KDM4C: variants seen among roughly 807,000 people sequenced by gnomAD.
The protein encoded by KDM4C is lysine demethylase 4C.
In KDM4C, 81 loss-of-function variants were observed where a neutral mutation model predicts 129.3. The observed-to-expected ratio is 0.63, with a 90% confidence interval of 0.52 to 0.75. KDM4C has a LOEUF of 0.75. KDM4C is among the 30% of genes least tolerant of loss of function. The pLI is 0.00. For missense variants in KDM4C, 1,457 were observed against 1,304.0 expected, an observed-to-expected ratio of 1.12 and a Z score of -1.81; for synonymous variants, 573 against 456.1, an observed-to-expected ratio of 1.26 and a Z score of -3.26.
chr9:6,828,167 A>C (rs962734659), intron 4 of KDM4C, among the ~76,000 whole-genome samples: 14 of 150,936 alleles, frequency 9.3e-5, no homozygotes, highest in Non-Finnish European at 1.3e-4. Flanking sequence ...TTTTTTTTTG[A>C]GACGGAGCCT....
At chr9:7,103,993 C>T (rs954529832) in intron 18 of KDM4C, 123 bp downstream of exon 18, 13 of 878,494 alleles carry the variant, frequency 1.5e-5, no homozygotes, top group East Asian at 1.1e-4. Flanking sequence ...ATGTCTAGAC[C>T]GTGAGTTCCT....
intron 15 of KDM4C, among the ~76,000 whole-genome samples, chr9:7,027,353 T>C (rs964017523): frequency 1.3e-5 from 2 of 152,242 alleles, no homozygotes; most frequent in Non-Finnish European, 2.9e-5. Context: ...ACTGTCTTCA[T>C]GTTCTTGGAT....
At chr9:7,034,569 A>G (rs747799513) in intron 15 of KDM4C, among the ~76,000 whole-genome samples, 16 of 152,076 alleles carry the variant, frequency 1.1e-4, no homozygotes, top group Non-Finnish European at 1.6e-4. Flanking sequence ...TTCTTTATTC[A>G]TCTTTCATTG....
intron 3 of KDM4C, among the ~76,000 whole-genome samples, chr9:6,812,578 G>A (rs1831357337): frequency 6.6e-6 from 1 of 152,122 alleles, no homozygotes; most frequent in Admixed American, 6.5e-5. Context: ...TTCACAACAG[G>A]GTTCATACTC....
chr9:6,984,002 G>A (rs1256217462), intron 9 of KDM4C, among the ~76,000 whole-genome samples, 164 bp from the exon 10 acceptor site: 1 of 152,108 alleles, frequency 6.6e-6, no homozygotes, highest in Admixed American at 6.5e-5. Context: ...TTAAGATTTT[G>A]ATTTCAAATT....
chr9:6,799,283 C>A (rs1828437154), intron 2 of KDM4C, among the ~76,000 whole-genome samples: 1 of 152,214 alleles, frequency 6.6e-6, no homozygotes, highest in South Asian at 2.1e-4. Flanking sequence ...CCATTGAGCA[C>A]TGAGTTAAGG....
At chr9:7,083,710 G>GGTGT (rs1257662179) in intron 17 of KDM4C, among the ~76,000 whole-genome samples, 11 of 65,528 alleles carry the variant, frequency 1.7e-4, no homozygotes, top group East Asian at 1.4e-3. Flanking sequence ...GCACATGACT[G>GGTGT]ATGTGTGTGT....
Position 6,893,107 on chromosome 9 carries a change from G to T in KDM4C, c.796G>T (p.Ala266Ser), listed in dbSNP as rs1396130218. 1.3e-6 allele frequency: 2 copies of T among 1,586,720 alleles called. No individual in the cohort carries two copies. Among genetic ancestry groups the T allele is most frequent in the African/African-American group, 2.7e-5 (2 of 73,596 alleles). The stretch of plus-strand genomic sequence containing the variant: ...TCCTACCTTGCAGATAACCCAGGAG[G>T]CTGGAGAATTCATGATCACTTTCCC... ...GIPFDKITQEAGEFMITFPYG... is the reference protein window; with the variant it reads ...GIPFDKITQESGEFMITFPYG... The change falls in exon 8 of 22, where the codon GCT (alanine) becomes TCT (serine). Residue 266 changes from alanine to serine, a missense_variant. By Grantham distance (99) the Ala-to-Ser change is moderately conservative (BLOSUM62 1). Transcript: ENST00000381309.
At chr9:7,046,350 A>T (rs1049552670) in intron 15 of KDM4C, among the ~76,000 whole-genome samples, 1 of 151,958 alleles carries the variant, frequency 6.6e-6, no homozygotes. Flanking sequence ...AGAAAGAGTG[A>T]GGCGCAAGTG....
intron 4 of KDM4C, chr9:6,834,996 C>T (rs1835613059): frequency 1.0e-6 from 1 of 964,166 alleles, no homozygotes; most frequent in Non-Finnish European, 1.7e-6. Flanking sequence ...CTGGACCTGG[C>T]TGGCCGGGAC....
intron 8 of KDM4C, among the ~76,000 whole-genome samples, chr9:6,977,615 TG>T (rs1321687174): frequency 2.0e-5 from 3 of 152,188 alleles, no homozygotes; most frequent in Non-Finnish European, 4.4e-5. Context: ...CTTGGACACC[TG>T]GGCAGTATTA....
chr9:6,799,380 C>G (rs929842577), intron 2 of KDM4C, among the ~76,000 whole-genome samples: 71 of 152,200 alleles, frequency 4.7e-4, no homozygotes, highest in Admixed American at 3.3e-3. Context: ...CCGGCCAACA[C>G]AGCGAAACCC....
At chr9:6,862,459 C>A (rs937204413) in intron 5 of KDM4C, among the ~76,000 whole-genome samples, 1 of 152,170 alleles carries the variant, frequency 6.6e-6, no homozygotes, top group East Asian at 1.9e-4. Context: ...TCTTAATTCT[C>A]AAGGAGATTT....
At chr9:7,099,984 A>AT (rs1836887790) in intron 17 of KDM4C, among the ~76,000 whole-genome samples, 1 of 151,928 alleles carries the variant, frequency 6.6e-6, no homozygotes, top group Non-Finnish European at 1.5e-5. Context: ...TTGGGGGTTG[A>AT]TTCAAGGTTT....
chr9:6,904,864 A>C (rs1818028298), intron 8 of KDM4C, among the ~76,000 whole-genome samples: 1 of 152,198 alleles, frequency 6.6e-6, no homozygotes, highest in African/African-American at 2.4e-5. Context: ...GTTTTGTGGC[A>C]ATGGGAAATT....
At chr9:7,013,390 C>T (rs1453195541) in intron 13 of KDM4C, among the ~76,000 whole-genome samples, 1 of 152,126 alleles carries the variant, frequency 6.6e-6, no homozygotes, top group Non-Finnish European at 1.5e-5. Context: ...TACTGCTGCA[C>T]AGATTAAAAC....
intron 5 of KDM4C, among the ~76,000 whole-genome samples, chr9:6,873,596 C>T (rs1025961836): frequency 3.3e-5 from 5 of 152,332 alleles, no homozygotes; most frequent in African/African-American, 1.2e-4. Flanking sequence ...CTCTCTCAGT[C>T]TTCATAGAAT....
rs375753473 is a variant in KDM4C at position 7,025,795 on chromosome 9, T to A, written c.2259+9866T>A. ...CTCCTTAAGATCAGAGTATTTTATA[T>A]ATCACATTTACAGTGTTATAATATG... On this transcript the variant is annotated intron_variant, in intron 15 of 21. Transcript: ENST00000381309. Among the ~76,000 whole-genome samples the A allele has an allele frequency of 3.3e-5, 5 of 152,382 alleles. No homozygotes were observed. In the East Asian group the frequency reaches 9.6e-4, roughly 29 times the overall value.
intron 8 of KDM4C, among the ~76,000 whole-genome samples, chr9:6,936,555 T>C (rs1021908918): frequency 6.6e-5 from 10 of 152,326 alleles, no homozygotes; most frequent in East Asian, 5.8e-4. Flanking sequence ...AAATTTCCCA[T>C]GAGAAATCAC....
Sources: gnomAD v4.1 joint callset for allele counts (sites outside exome capture counted in the v4.1 genomes callset) on GRCh38, gnomAD v4.1.1 for gene constraint, MANE v1.5 for transcripts, NCBI Gene and HGNC (gene_info 2026-07-23, HGNC 2026-07-21) for gene names.